The following GKAP1 variants were observed in gnomAD, a reference collection of about 807,000 sequenced individuals.
GKAP1 encodes G kinase anchoring protein 1.
A neutral mutation model predicts 56.7 loss-of-function variants in GKAP1; 31 were observed. That is an observed-to-expected ratio of 0.55 (90% CI 0.41 to 0.74). The LOEUF (loss-of-function observed/expected upper bound fraction) is 0.74, where lower values mean the gene tolerates loss of function less well. Ranked by LOEUF, GKAP1 falls within the 30% of genes least tolerant of loss-of-function variation. GKAP1 has a pLI of 0.00. For missense variants in GKAP1, 364 were observed against 402.3 expected, an observed-to-expected ratio of 0.90 and a Z score of 0.82; for synonymous variants, 151 against 138.6, an observed-to-expected ratio of 1.09 and a Z score of -0.63.
At chr9:83,796,633 A>G (rs2131308766) in intron 4 of GKAP1, among the ~76,000 whole-genome samples, 1 of 151,910 alleles carries the variant, frequency 6.6e-6, no homozygotes, top group Admixed American at 6.6e-5. Context: ...ACGCCTGGCT[A>G]ATTTTGTATT....
In GKAP1 at chr9:83,748,264, T is replaced by C. The variant is rs776861182; in HGVS notation, c.904+45A>G. On this transcript the variant is annotated intron_variant, in intron 10 of 12. Transcript: ENST00000376371. ...CATTTGAAAAAGTACCTTCAGATAT[T>C]ATTTAAGATAAACTTTTAATTACAA... The C allele has an allele frequency of 3.9e-6, 5 of 1,283,014 alleles. No individual in the cohort carries two copies. In the Admixed American group the frequency reaches 7.9e-5, roughly 20 times the overall value. 79.5% of individuals were successfully genotyped at this position (1,283,014 alleles called of 1,614,324 possible). A position where few individuals can be genotyped will look rare whatever the true frequency, so the allele number is the denominator to read the frequency against.
chr9:83,786,835 A>G (rs1004738433), intron 5 of GKAP1, among the ~76,000 whole-genome samples: 5 of 152,196 alleles, frequency 3.3e-5, no homozygotes, highest in African/African-American at 1.2e-4. Flanking sequence ...CATTTTATCA[A>G]CACTATTTAC....
chr9:83,755,792 A>T (rs1203241124), intron 8 of GKAP1, among the ~76,000 whole-genome samples: 3 of 151,134 alleles, frequency 2.0e-5, no homozygotes, highest in African/African-American at 7.3e-5. Flanking sequence ...GTTTTATCAA[A>T]CTGGTACTTT....
chr9:83,808,546 G>A (rs577314504), intron 2 of GKAP1, among the ~76,000 whole-genome samples: 20 of 152,200 alleles, frequency 1.3e-4, no homozygotes, highest in African/African-American at 4.6e-4. Context: ...GCAGCAAACC[G>A]AGGTTGCACG....
intron 4 of GKAP1, among the ~76,000 whole-genome samples, chr9:83,793,545 G>A (rs1312511874): frequency 6.6e-6 from 1 of 152,092 alleles, no homozygotes; most frequent in Non-Finnish European, 1.5e-5. Flanking sequence ...TGTCTTCTGA[G>A]TGCTGTTTGC....
Position 83,756,470 on chromosome 9 carries a change from CAAAAAAAAAAAA to C in GKAP1, c.739-3123_739-3112del, listed in dbSNP as rs142896755. On this transcript the variant is annotated intron_variant, in intron 8 of 12. Coordinates refer to ENST00000376371, the MANE Select transcript of GKAP1 (RefSeq NM_025211.4). ...TGGGCAACACAGTGAGACTCCATCT[CAAAAAAAAAAAA>C]AAAAAAAAAAGAAAACAAAACAAAA... is the stretch of plus-strand genomic sequence containing the variant. Among the ~76,000 whole-genome samples, 7 of 75,428 alleles carry C rather than the reference CAAAAAAAAAAAA, an allele frequency of 9.3e-5. No homozygotes were observed. In the South Asian group the frequency reaches 2.6e-3, roughly 28 times the overall value. The allele number at this position is 75,428 out of a possible 152,430, so 49.5% of individuals were successfully genotyped here.
intron 8 of GKAP1, among the ~76,000 whole-genome samples, chr9:83,766,110 C>T (rs1943659201): frequency 6.6e-6 from 1 of 152,076 alleles, no homozygotes; most frequent in African/African-American, 2.4e-5. Flanking sequence ...GGGGTGGCTT[C>T]CCCCATACTG....
At chr9:83,758,015 G>C (rs768781500) in intron 8 of GKAP1, among the ~76,000 whole-genome samples, 1 of 152,052 alleles carries the variant, frequency 6.6e-6, no homozygotes, top group Non-Finnish European at 1.5e-5. Context: ...ATGCCGCAAG[G>C]GTAATTAATA....
intron 5 of GKAP1, among the ~76,000 whole-genome samples, chr9:83,786,820 T>C (rs564358232): frequency 1.3e-5 from 2 of 152,058 alleles, no homozygotes; most frequent in Non-Finnish European, 2.9e-5. Context: ...TGGCTGGGAG[T>C]ACGACATTTT....
At chr9:83,805,032 G>T (rs1345842919) in intron 3 of GKAP1, among the ~76,000 whole-genome samples, 1 of 152,238 alleles carries the variant, frequency 6.6e-6, no homozygotes, top group Non-Finnish European at 1.5e-5. Context: ...AGAAGGGGGG[G>T]AAAGGTGGGG....
intron 7 of GKAP1, among the ~76,000 whole-genome samples, chr9:83,770,388 G>T (rs1010060324): frequency 2.6e-5 from 4 of 152,186 alleles, no homozygotes; most frequent in Admixed American, 1.3e-4. Flanking sequence ...CCAGCATCAT[G>T]TGTTGAGAAG....
intron 9 of GKAP1, 128 bp downstream of exon 9, chr9:83,753,130 T>C (rs1316603860): frequency 1.7e-6 from 1 of 603,990 alleles, no homozygotes; most frequent in Non-Finnish European, 2.9e-6. Flanking sequence ...ATTAAAGAGT[T>C]TAAGAACATA....
In GKAP1 at chr9:83,753,303, T is replaced by C. The variant is rs145463317; in HGVS notation, c.795A>G (p.Lys265=). The change falls in exon 9 of 13, where the codon AAA becomes AAG. Residue 265 remains lysine (K), a synonymous_variant. Transcript: ENST00000376371. ...IERLKLELER[K]DAEIQKLKNV... ...TTTTCAGCTTCTGGATTTCAGCATC[T>C]TTCCTTTCAAGCTCTAACTTTAGTC... is the stretch of plus-strand genomic sequence containing the variant. The C allele has an allele frequency of 4.7e-5, 76 of 1,611,864 alleles. No homozygotes were observed. In the African/African-American group the frequency reaches 9.9e-4, roughly 21 times the overall value.
intron 7 of GKAP1, among the ~76,000 whole-genome samples, chr9:83,779,553 A>ATGTGTATATATATACACGGG (rs1263158887): frequency 2.2e-4 from 6 of 27,678 alleles, no homozygotes; most frequent in Non-Finnish European, 2.9e-4. Context: ...ATACACGTGT[A>ATGTGTATATATATACACGGG]TATGTGTATA....
intron 8 of GKAP1, among the ~76,000 whole-genome samples, chr9:83,754,485 T>C (rs377247255): frequency 6.6e-6 from 1 of 152,220 alleles, no homozygotes; most frequent in African/African-American, 2.4e-5. Context: ...GTGTTTCTTT[T>C]CTAGATTAGT....
intron 6 of GKAP1, among the ~76,000 whole-genome samples, 164 bp downstream of exon 6, chr9:83,784,551 A>T (rs1322859529): frequency 2.0e-5 from 3 of 152,236 alleles, no homozygotes; most frequent in Non-Finnish European, 4.4e-5. Context: ...ACTCTGTTAC[A>T]GCAGTACAAA....
intron 4 of GKAP1, among the ~76,000 whole-genome samples, chr9:83,796,573 T>C (rs1029170717): frequency 1.3e-5 from 2 of 152,178 alleles, no homozygotes; most frequent in Non-Finnish European, 2.9e-5. Flanking sequence ...GCTCAAGATA[T>C]TCTCCTGCCT....
At chr9:83,773,153 G>T (rs1051111864) in intron 7 of GKAP1, among the ~76,000 whole-genome samples, 6 of 152,252 alleles carry the variant, frequency 3.9e-5, no homozygotes, top group African/African-American at 1.4e-4. Context: ...ATAACCTGGT[G>T]AATAAACAAC....
chr9:83,802,805 A>AAG (rs558401198), intron 3 of GKAP1, among the ~76,000 whole-genome samples: 3 of 151,846 alleles, frequency 2.0e-5, no homozygotes, highest in Non-Finnish European at 2.9e-5. Flanking sequence ...CAGCCTGGAC[A>AAG]AGAGAGAGAG....
Sources: gnomAD v4.1 joint callset for allele counts (sites outside exome capture counted in the v4.1 genomes callset) on GRCh38, gnomAD v4.1.1 for gene constraint, MANE v1.5 for transcripts, NCBI Gene and HGNC (gene_info 2026-07-23, HGNC 2026-07-21) for gene names.